Variants in TPD52 observed in about 807,000 individuals in gnomAD.
TPD52 encodes tumor protein D52, also known as prostate and colon associated protein.
Under a neutral mutation model 31.3 loss-of-function variants are expected in TPD52, and 17 were observed. That is an observed-to-expected ratio of 0.54 (90% CI 0.37 to 0.82). The LOEUF is 0.82. Ranked by LOEUF, TPD52 falls within the 40% of genes least tolerant of loss-of-function variation. TPD52 has a pLI of 0.00. For missense variants in TPD52, 212 were observed against 240.1 expected (o/e 0.88, Z 0.77); for synonymous variants, 83 against 89.6 (o/e 0.93, Z 0.42).
chr8:80,106,798 AT>A (rs1807155044), intron 1 of TPD52, among the ~76,000 whole-genome samples: 1 of 151,248 alleles, frequency 6.6e-6, no homozygotes, highest in South Asian at 2.1e-4. Flanking sequence ...ATGAGACCCA[AT>A]TTGGTTCATA....
chr8:80,155,665 C>T (rs1810914887), intron 1 of TPD52, among the ~76,000 whole-genome samples: 1 of 152,158 alleles, frequency 6.6e-6, no homozygotes, highest in African/African-American at 2.4e-5. Flanking sequence ...GGGCAGATCA[C>T]TTGAGGTCGG....
At chr8:80,163,302 A>C (rs937224929) in intron 1 of TPD52, among the ~76,000 whole-genome samples, 5 of 152,246 alleles carry the variant, frequency 3.3e-5, no homozygotes, top group Admixed American at 6.5e-5. Context: ...TTAAGAAGGA[A>C]ATTGGGTCAT....
intron 1 of TPD52, chr8:80,080,700 C>T (rs1815177151): frequency 8.5e-7 from 1 of 1,178,506 alleles, no homozygotes; most frequent in African/African-American, 1.6e-5. Flanking sequence ...GCTCTATTCA[C>T]CACCTGGTGT....
At chr8:80,060,484 T>C (rs544624273) in intron 2 of TPD52, among the ~76,000 whole-genome samples, 6 of 152,238 alleles carry the variant, frequency 3.9e-5, no homozygotes, top group African/African-American at 1.4e-4. Flanking sequence ...AACCAGAAGA[T>C]GGTAGAACAC....
chr8:80,131,614 C>A (rs574642612), intron 1 of TPD52, among the ~76,000 whole-genome samples: 35 of 152,244 alleles, frequency 2.3e-4, no homozygotes, highest in Non-Finnish European at 4.3e-4. Context: ...CAGTTCACTT[C>A]CTCTACCCTT....
intron 1 of TPD52, among the ~76,000 whole-genome samples, chr8:80,136,523 C>CAAAA (rs56656428): frequency 6.0e-5 from 4 of 67,096 alleles, no homozygotes; most frequent in Non-Finnish European, 1.2e-4. Flanking sequence ...GACTCTGTCT[C>CAAAA]AAAAAAAAAA....
chr8:80,053,385 C>T lies in TPD52; in HGVS notation c.181G>A (p.Glu61Lys). 3.1e-6 allele frequency: 5 copies of T among 1,613,734 alleles called. No individual in the cohort carries two copies. The highest frequency in any genetic ancestry group is 4.2e-6 in the Non-Finnish European group (5 of 1,179,742). The change falls in exon 3 of 8, where the codon GAG (glutamate) becomes AAG (lysine). Residue 61 changes from glutamate to lysine, a missense_variant. Glu to Lys is a moderately conservative substitution (Grantham distance 56, BLOSUM62 1). Coordinates refer to ENST00000518937, the MANE Select transcript of TPD52 (RefSeq NM_001025253.3). Reference protein sequence around the residue: ...QTLSQVLAAKEKHLAEIKRKL... With the variant: ...QTLSQVLAAKKKHLAEIKRKL... ...CGCTTGATCTCTGCTAGATGCTTCT[C>T]TTTTGCTGCTAACACTTGAGACAGA...
chr8:80,038,265 C>G (rs1314694094), intron 7 of TPD52, 30 bp from the exon 8 acceptor site: 1 of 1,609,450 alleles, frequency 6.2e-7, no homozygotes, highest in Non-Finnish European at 8.5e-7. Context: ...AAGGGAAAGA[C>G]ATTATGAAAC....
rs749406995 is a variant in TPD52 at position 80,053,399 on chromosome 8, A to G, written c.167T>C (p.Val56Ala). The change falls in exon 3 of 8, where the codon GTG becomes GCG. Residue 56 changes from valine to alanine, a missense_variant. By Grantham distance (64) the Val-to-Ala change is moderately conservative (BLOSUM62 0). Coordinates refer to ENST00000518937, the MANE Select transcript of TPD52 (RefSeq NM_001025253.3). ...TAGATGCTTCTCTTTTGCTGCTAACACTTGAGACAGAGTCTGGATTTCTTC... is the reference window on the plus strand; with the variant it reads ...TAGATGCTTCTCTTTTGCTGCTAACGCTTGAGACAGAGTCTGGATTTCTTC... ...VEEEIQTLSQ[V>A]LAAKEKHLAE... 1 of 1,613,534 alleles carries G rather than the reference A, an allele frequency of 6.2e-7. No homozygotes were observed. The highest frequency in any genetic ancestry group is 1.7e-5 in the Admixed American group (1 of 59,966).
chr8:80,166,555 A>G (rs1211835123), intron 1 of TPD52, among the ~76,000 whole-genome samples: 1 of 151,626 alleles, frequency 6.6e-6, no homozygotes, highest in Non-Finnish European at 1.5e-5. Context: ...TTTTAAATAC[A>G]TTTAGGGTTT....
At chr8:80,095,399 G>C (rs976687031) in intron 1 of TPD52, among the ~76,000 whole-genome samples, 3 of 152,106 alleles carry the variant, frequency 2.0e-5, no homozygotes, top group African/African-American at 7.2e-5. Flanking sequence ...TGGGGTGCTG[G>C]TGATTTTTAG....
At position 80,037,345 on chromosome 8, in the gene TPD52, G is replaced by C. The variant is rs1809979257; in HGVS notation, c.*771C>G. 6.6e-6 allele frequency: 1 copy of C among 152,200 alleles called. No individual in the cohort carries two copies. Among genetic ancestry groups the C allele is most frequent in the African/African-American group, 2.4e-5 (1 of 41,434 alleles). The allele number at this position is 152,200 out of a possible 1,614,324, so 9.4% of individuals were successfully genotyped here. A position where few individuals can be genotyped will look rare whatever the true frequency, so the allele number is the denominator to read the frequency against. ...CTGAACATACAGTGTGCTTGATTCA[G>C]AATGTTATTTTGTAGAAATTAAAAT... On this transcript the variant is annotated 3_prime_UTR_variant, in exon 8 of 8. Transcript: ENST00000518937.
chr8:80,138,008 G>A (rs974242857), intron 1 of TPD52, among the ~76,000 whole-genome samples: 1 of 151,876 alleles, frequency 6.6e-6, no homozygotes, highest in South Asian at 2.1e-4. Context: ...GCAATGGCAC[G>A]ATCTTGGCTC....
intron 1 of TPD52, among the ~76,000 whole-genome samples, chr8:80,068,921 T>C (rs529868892): frequency 3.9e-5 from 6 of 152,302 alleles, no homozygotes; most frequent in Admixed American, 1.3e-4. Context: ...ATTTGCAAAA[T>C]GGCTTAGAAA....
At chr8:80,065,255 T>C (rs1812992461) in intron 1 of TPD52, among the ~76,000 whole-genome samples, 1 of 118,188 alleles carries the variant, frequency 8.5e-6, no homozygotes, top group East Asian at 2.9e-4. Context: ...ATATAGATGA[T>C]TATATCTATC....
At chr8:80,137,185 A>G (rs1234277032) in intron 1 of TPD52, among the ~76,000 whole-genome samples, 1 of 152,254 alleles carries the variant, frequency 6.6e-6, no homozygotes, top group Admixed American at 6.5e-5. Flanking sequence ...AACTAAATAG[A>G]TAAGTGTTTG....
intron 7 of TPD52, among the ~76,000 whole-genome samples, chr8:80,039,384 T>C (rs1810163739): frequency 6.6e-6 from 1 of 152,176 alleles, no homozygotes; most frequent in African/African-American, 2.4e-5. Context: ...GGGGTTGTCC[T>C]GGATTCTTAT....
intron 5 of TPD52, among the ~76,000 whole-genome samples, chr8:80,045,667 G>A (rs751870767): frequency 2.6e-5 from 4 of 152,178 alleles, no homozygotes; most frequent in Non-Finnish European, 5.9e-5. Flanking sequence ...GAATCCAGCA[G>A]GATGGAAGAG....
chr8:80,072,317 A>ATGTGTGTGTGTGTGTG (rs146024001), intron 1 of TPD52, among the ~76,000 whole-genome samples: 4,042 of 121,334 alleles, frequency 0.033, 259 homozygotes, highest in Non-Finnish European at 0.046. Flanking sequence ...AAAAACATAT[A>ATGTGTGTGTGTGTGTG]TGTGTGTGTG....
Sources: allele counts gnomAD v4.1 joint callset (sites outside exome capture counted in the v4.1 genomes callset), GRCh38; gene constraint gnomAD v4.1.1; transcripts MANE v1.5; gene names NCBI Gene and HGNC (gene_info 2026-07-23, HGNC 2026-07-21).